GABRG1: variants seen among roughly 807,000 people sequenced by gnomAD.
GABRG1 encodes the protein gamma-aminobutyric acid receptor subunit gamma-1.
Under a neutral mutation model 49.8 loss-of-function variants are expected in GABRG1, and 49 were observed. The observed-to-expected ratio is 0.98, with a 90% CI of 0.78 to 1.25. The LOEUF is 1.25. Among genes scored for constraint, GABRG1 ranks in the 50% most tolerant of loss-of-function variants. GABRG1 has a pLI of 0.00. For synonymous variants in GABRG1, 232 were observed against 185.1 expected (o/e 1.25, Z -2.06); for missense variants, 552 against 552.3 (o/e 1.00, Z 0.01).
intron 2 of GABRG1, among the ~76,000 whole-genome samples, chr4:46,092,355 TG>T (rs1179742324): frequency 2.0e-5 from 3 of 152,010 alleles, no homozygotes; most frequent in African/African-American, 7.2e-5. Flanking sequence ...GAAAAAGGTT[TG>T]AAATTTCTTT....
intron 8 of GABRG1, among the ~76,000 whole-genome samples, chr4:46,045,106 T>C (rs1373604683): frequency 1.3e-5 from 2 of 152,070 alleles, no homozygotes; most frequent in East Asian, 1.9e-4. Flanking sequence ...AAGTGAACAA[T>C]ACAAAGGAGA....
chr4:46,090,017 A>AACCTTT (rs1226567824), intron 2 of GABRG1, among the ~76,000 whole-genome samples: 10 of 152,086 alleles, frequency 6.6e-5, no homozygotes, highest in Non-Finnish European at 1.2e-4. Context: ...TGGAAGCTTA[A>AACCTTT]CTGGATGAAC....
At chr4:46,075,800 C>A (rs889101144) in intron 3 of GABRG1, among the ~76,000 whole-genome samples, 12 of 152,086 alleles carry the variant, frequency 7.9e-5, no homozygotes, top group African/African-American at 2.2e-4. Context: ...TATATAATAT[C>A]TTTTGCAGCA....
chr4:46,073,902 T>G (rs540782178), intron 3 of GABRG1, among the ~76,000 whole-genome samples: 28 of 152,248 alleles, frequency 1.8e-4, no homozygotes, highest in Non-Finnish European at 3.4e-4. Context: ...CACCTATTTT[T>G]GGATCATTGT....
At chr4:46,064,405 A>T in intron 5 of GABRG1, 36 bp downstream of exon 5, 1 of 1,155,634 alleles carries the variant, frequency 8.7e-7, no homozygotes, top group Non-Finnish European at 1.2e-6. Flanking sequence ...TCTAAGGTTA[A>T]AATTCTATGA....
chr4:46,106,663 T>A (rs879811090), intron 1 of GABRG1, among the ~76,000 whole-genome samples: 11 of 151,416 alleles, frequency 7.3e-5, no homozygotes, highest in Non-Finnish European at 1.2e-4. Flanking sequence ...TTAAATTCAA[T>A]AATTAGGTAT....
chr4:46,118,495 G>C (rs1174748603), intron 1 of GABRG1, among the ~76,000 whole-genome samples: 6 of 151,010 alleles, frequency 4.0e-5, no homozygotes, highest in African/African-American at 1.4e-4. Flanking sequence ...CAAACTACTA[G>C]AGTTTATGTT....
At position 46,065,502 on chromosome 4, in the gene GABRG1, A is replaced by G; in HGVS notation, c.404T>C (p.Leu135Pro). 1 of 1,610,866 alleles carries G rather than the reference A, an allele frequency of 6.2e-7. No individual in the cohort carries two copies. The highest frequency in any genetic ancestry group is 8.5e-7 in the Non-Finnish European group (1 of 1,177,294). ...KFNSTMKVLM[L>P]NSNMVGKIWI... The stretch of plus-strand genomic sequence containing the variant: ...AATTTTTCCAACCATATTACTGTTA[A>G]GCATAAGCACTTTCATGGTACTATT... Residue 135 changes from leucine (L) to proline (P), a missense_variant, in exon 4 of 9, where the codon CTT (leucine) becomes CCT (proline). Transcript: ENST00000295452.
chr4:46,062,718 A>T (rs1380795251), intron 5 of GABRG1, among the ~76,000 whole-genome samples: 3 of 152,282 alleles, frequency 2.0e-5, no homozygotes, highest in African/African-American at 7.2e-5. Context: ...GGAAAAGAGG[A>T]AGTCAAATTG....
At chr4:46,118,595 A>G (rs1721004545) in intron 1 of GABRG1, among the ~76,000 whole-genome samples, 1 of 151,076 alleles carries the variant, frequency 6.6e-6, no homozygotes, top group Non-Finnish European at 1.5e-5. Context: ...TAGGGCAATG[A>G]CTTTGTCTTA....
chr4:46,088,418 A>G (rs1719860614), intron 2 of GABRG1, among the ~76,000 whole-genome samples: 1 of 152,000 alleles, frequency 6.6e-6, no homozygotes, highest in African/African-American at 2.4e-5. Flanking sequence ...ATTCCTGAAA[A>G]ACAAAACACA....
intron 7 of GABRG1, among the ~76,000 whole-genome samples, chr4:46,056,735 C>G (rs984537655): frequency 6.6e-6 from 1 of 151,950 alleles, no homozygotes. Flanking sequence ...TAGAAAAATG[C>G]AAGGTTGAGT....
At chr4:46,066,848 T>A (rs1398351127) in intron 3 of GABRG1, among the ~76,000 whole-genome samples, 2 of 151,144 alleles carry the variant, frequency 1.3e-5, no homozygotes, top group African/African-American at 4.9e-5. Context: ...ATATATTATA[T>A]ATATGTACTA....
intron 1 of GABRG1, among the ~76,000 whole-genome samples, chr4:46,105,403 T>C (rs1720502843): frequency 6.6e-6 from 1 of 151,556 alleles, no homozygotes; most frequent in Admixed American, 6.6e-5. Context: ...CACTACTGTT[T>C]TTTTGTAATG....
At chr4:46,079,105 G>A (rs567279084) in intron 3 of GABRG1, among the ~76,000 whole-genome samples, 157 of 149,584 alleles carry the variant, frequency 1.0e-3, no homozygotes, top group African/African-American at 3.6e-3. Context: ...AAAGCAATTC[G>A]ATTTTCGTTT....
chr4:46,036,120 C>A lies in GABRG1; in HGVS notation c.*4868G>T, dbSNP rs1717511485. 1 of 151,884 alleles carries A rather than the reference C, an allele frequency of 6.6e-6. No homozygotes were observed. Among genetic ancestry groups the A allele is most frequent in the Non-Finnish European group, 1.5e-5 (1 of 67,862 alleles). 9.4% of individuals were successfully genotyped at this position (151,884 alleles called of 1,614,324 possible). A position where few individuals can be genotyped will look rare whatever the true frequency, so the allele number is the denominator to read the frequency against. ...TATCACAGCCTTTACTATTCACACACTCAAAGGGTCCAGGTATGTTTCATT... is the reference window on the plus strand; with the variant it reads ...TATCACAGCCTTTACTATTCACACAATCAAAGGGTCCAGGTATGTTTCATT... On this transcript the variant is annotated 3_prime_UTR_variant, in exon 9 of 9. Transcript: ENST00000295452.
chr4:46,065,732 T>A (rs1193754230), intron 3 of GABRG1, 148 bp from the exon 4 acceptor site: 2 of 520,672 alleles, frequency 3.8e-6, no homozygotes. Context: ...TATTTTAAAC[T>A]TTTTTTTTGA....
At chr4:46,071,282 C>G (rs1050811112) in intron 3 of GABRG1, among the ~76,000 whole-genome samples, 4 of 151,686 alleles carry the variant, frequency 2.6e-5, no homozygotes, top group Non-Finnish European at 5.9e-5. Context: ...TCAGATTATC[C>G]TCTTTCTACT....
chr4:46,108,540 A>G (rs1017232964), intron 1 of GABRG1, among the ~76,000 whole-genome samples: 2 of 151,096 alleles, frequency 1.3e-5, no homozygotes, highest in African/African-American at 4.8e-5. Context: ...GTTTTGTGCT[A>G]GGATTCTGAA....
Sources: allele counts gnomAD v4.1 joint callset (sites outside exome capture counted in the v4.1 genomes callset), GRCh38; gene constraint gnomAD v4.1.1; transcripts MANE v1.5; gene names NCBI Gene and HGNC (gene_info 2026-07-23, HGNC 2026-07-21).